The following DOCK11 variants were observed in gnomAD, a reference collection of about 807,000 sequenced individuals.
DOCK11 encodes the protein dedicator of cytokinesis protein 11.
A neutral mutation model predicts 169.1 loss-of-function variants in DOCK11; 70 were observed. That is an observed-to-expected ratio of 0.41 (90% CI 0.34 to 0.51). The LOEUF (loss-of-function observed/expected upper bound fraction) is 0.51, where lower values mean the gene tolerates loss of function less well. Among genes scored for constraint, DOCK11 ranks in the 20% least tolerant of loss-of-function variants. The pLI is 0.10. For synonymous variants in DOCK11, 529 were observed against 541.3 expected, an observed-to-expected ratio of 0.98 and a Z score of 0.32; for missense variants, 1,166 against 1,538.8, an observed-to-expected ratio of 0.76 and a Z score of 4.05.
Position 118,573,926 on chromosome X carries a change from A to T in DOCK11, c.1297A>T (p.Thr433Ser). Residue 433 changes from threonine to serine, a missense_variant, in exon 12 of 53, where the codon ACC becomes TCC. Transcript: ENST00000276202. ...SVREMLWGSS[T>S]QLASDGSPKG... is the part of the protein sequence containing the mutation. Reference sequence around the variant, plus strand: ...CCGTGAAATGCTGTGGGGCTCTTCAACCCAACTGGCCAGTGACGGTAGCCC... The same window carrying T: ...CCGTGAAATGCTGTGGGGCTCTTCATCCCAACTGGCCAGTGACGGTAGCCC... 8.3e-7 allele frequency: 1 copy of T among 1,211,842 alleles called. No homozygotes were observed. The highest frequency in any genetic ancestry group is 1.1e-6 in the Non-Finnish European group (1 of 895,524).
intron 1 of DOCK11, among the ~76,000 whole-genome samples, chrX:118,514,649 A>T (rs1338070434): frequency 9.0e-6 from 1 of 111,727 alleles, no homozygotes; most frequent in Non-Finnish European, 1.9e-5. Flanking sequence ...TTTGCCCTGT[A>T]GTCTAGCCAC....
In DOCK11 at chrX:118,662,700, G is replaced by A. The variant is rs183500758; in HGVS notation, c.4984G>A (p.Gly1662Arg). 1.4e-5 allele frequency: 16 copies of A among 1,169,219 alleles called. No homozygotes were observed. The Admixed American group carries it at 1.6e-4, about 11-fold the overall frequency. The change falls in exon 45 of 53, where the codon GGA (glycine) becomes AGA (arginine). Residue 1662 changes from glycine (G) to arginine (R), a missense_variant. Gly to Arg is a moderately radical substitution (Grantham distance 125). Coordinates refer to ENST00000276202, the MANE Select transcript of DOCK11 (RefSeq NM_144658.4). ...TATTCACACAGAATTATTTCCTAAC[G>A]GATGTTCAGCGTTCAAGAAAATTAC... ...FLHRKKLFPN[G>R]CSAFKKITPN...
chrX:118,577,247 C>T (rs757958334), intron 12 of DOCK11, among the ~76,000 whole-genome samples: 2 of 112,210 alleles, frequency 1.8e-5, no homozygotes, highest in Non-Finnish European at 3.8e-5. Flanking sequence ...AGGGACAGCC[C>T]GGGCAGTCTG....
intron 35 of DOCK11, among the ~76,000 whole-genome samples, chrX:118,635,831 G>A (rs924339933): frequency 9.0e-6 from 1 of 111,580 alleles, no homozygotes; most frequent in Middle Eastern, 4.2e-3. Context: ...CAAGTGATAC[G>A]CCCACCTTGG....
chrX:118,542,520 T>TGTTTA (rs2012057367), intron 1 of DOCK11, among the ~76,000 whole-genome samples: 2 of 103,950 alleles, frequency 1.9e-5, no homozygotes, highest in Admixed American at 1.0e-4. Flanking sequence ...GTGTGTGTGT[T>TGTTTA]TGTGTGTGTG....
At chrX:118,677,376 A>G (rs1246643590) in intron 48 of DOCK11, among the ~76,000 whole-genome samples, 1 of 112,275 alleles carries the variant, frequency 8.9e-6, no homozygotes, top group African/African-American at 3.2e-5. Context: ...TAGGAAATGC[A>G]TAGTTCCCTA....
chrX:118,584,798 A>G lies in DOCK11; in HGVS notation c.1659A>G (p.Lys553=), dbSNP rs771361612. 2.5e-6 allele frequency: 3 copies of G among 1,201,608 alleles called. No individual in the cohort carries two copies. The highest frequency in any genetic ancestry group is 3.5e-5 in the African/African-American group (2 of 56,931). Residue 553 remains lysine (K), a synonymous_variant, in exon 15 of 53, where the codon AAA becomes AAG. Transcript: ENST00000276202. ...DLDGRFSPLY[K]QDSSKLSSED... is the part of the protein sequence containing the mutation. ...ATGGGAGATTTTCTCCTCTGTATAA[A>G]CAAGACAGTAGCAAGCTTTCAAGTG...
At chrX:118,661,957 T>A (rs189666281) in intron 44 of DOCK11, among the ~76,000 whole-genome samples, 1 of 112,365 alleles carries the variant, frequency 8.9e-6, no homozygotes, top group Non-Finnish European at 1.9e-5. Flanking sequence ...TTGCTAGTAA[T>A]AATTCATTGA....
intron 6 of DOCK11, among the ~76,000 whole-genome samples, chrX:118,547,791 C>T (rs2012341301): frequency 8.9e-6 from 1 of 112,388 alleles, no homozygotes; most frequent in Admixed American, 9.4e-5. Context: ...CCAGAGTTAT[C>T]AGGTTCAGAA....
intron 19 of DOCK11, among the ~76,000 whole-genome samples, chrX:118,590,809 C>T (rs185513615): frequency 8.9e-6 from 1 of 111,991 alleles, no homozygotes; most frequent in Admixed American, 9.4e-5. Context: ...GGGTGCAAAG[C>T]ACATAAAGGG....
chrX:118,589,816 G>A (rs964154156), intron 18 of DOCK11, among the ~76,000 whole-genome samples: 2 of 112,546 alleles, frequency 1.8e-5, no homozygotes, highest in Middle Eastern at 4.6e-3. Flanking sequence ...CACAAAGAGC[G>A]TTCAACAAAT....
chrX:118,572,589 C>G, intron 11 of DOCK11, 126 bp downstream of exon 11: 1 of 527,755 alleles, frequency 1.9e-6, no homozygotes, highest in Non-Finnish European at 2.9e-6. Context: ...TGCACATGTA[C>G]TCCTGAACCT....
Position 118,663,738 on chromosome X carries a change from A to G in DOCK11, c.5076+946A>G, listed in dbSNP as rs1258139222. On this transcript the variant is annotated intron_variant, in intron 45 of 52. Transcript: ENST00000276202. ...TCGCCAGGCTGGAGTGCAGTGGCGCAATCTTGGTTCACTGCAACCTCTGCC... is the reference window on the plus strand; with the variant it reads ...TCGCCAGGCTGGAGTGCAGTGGCGCGATCTTGGTTCACTGCAACCTCTGCC... 4.1e-5 allele frequency among the ~76,000 whole-genome samples: 4 copies of G among 98,558 alleles called. No individual in the cohort carries two copies. In the East Asian group the frequency reaches 1.2e-3, roughly 31 times the overall value. The allele number at this position is 98,558 out of a possible 115,157, so 85.6% of individuals were successfully genotyped here. A position where few individuals can be genotyped will look rare whatever the true frequency, so the allele number is the denominator to read the frequency against.
chrX:118,658,281 C>T (rs2016128869), intron 44 of DOCK11, among the ~76,000 whole-genome samples: 1 of 112,397 alleles, frequency 8.9e-6, no homozygotes, highest in Non-Finnish European at 1.9e-5. Flanking sequence ...TCTCTAATTC[C>T]TAACCAGTTT....
At chrX:118,591,175 T>G (rs1045373274) in intron 19 of DOCK11, among the ~76,000 whole-genome samples, 1 of 112,167 alleles carries the variant, frequency 8.9e-6, no homozygotes. Flanking sequence ...CATGTCCACC[T>G]GCTGTTGTAT....
chrX:118,507,986 C>A (rs5956066), intron 1 of DOCK11, among the ~76,000 whole-genome samples: 5,885 of 109,068 alleles, frequency 0.054, 408 homozygotes, highest in African/African-American at 0.19. Context: ...TGGTGATGAT[C>A]TCGCTCTATT....
At chrX:118,677,777 T>G (rs970786995) in intron 48 of DOCK11, among the ~76,000 whole-genome samples, 2 of 112,633 alleles carry the variant, frequency 1.8e-5, no homozygotes, top group African/African-American at 6.4e-5. Context: ...TCTTTCCTTA[T>G]CAGTTTCACT....
chrX:118,590,166 C>T, intron 18 of DOCK11, 44 bp from the exon 19 acceptor site: 1 of 1,099,289 alleles, frequency 9.1e-7, no homozygotes, highest in Non-Finnish European at 1.3e-6. Flanking sequence ...ATCACATTTA[C>T]AGACCTGCAT....
At chrX:118,637,796 A>G (rs760920701) in intron 36 of DOCK11, among the ~76,000 whole-genome samples, 4 of 111,601 alleles carry the variant, frequency 3.6e-5, no homozygotes, top group South Asian at 3.8e-4. Flanking sequence ...GACCTTTGCT[A>G]TGATAAGTTA....
Sources: gnomAD v4.1 joint callset for allele counts (sites outside exome capture counted in the v4.1 genomes callset) on GRCh38, gnomAD v4.1.1 for gene constraint, MANE v1.5 for transcripts, NCBI Gene and HGNC (gene_info 2026-07-23, HGNC 2026-07-21) for gene names.